TIMM44: variants seen among roughly 807,000 people sequenced by gnomAD.
TIMM44 encodes the protein translocase of inner mitochondrial membrane 44.
Under a neutral mutation model 63.8 loss-of-function variants are expected in TIMM44, and 37 were observed. That is an observed-to-expected ratio of 0.58 (90% confidence interval 0.45 to 0.76). TIMM44 has a LOEUF of 0.76. Ranked by LOEUF, TIMM44 falls within the 30% of genes least tolerant of loss-of-function variation. TIMM44 has a pLI of 0.00. For missense variants in TIMM44, 573 were observed against 603.8 expected (o/e 0.95, Z 0.54); for synonymous variants, 239 against 245.1 (o/e 0.98, Z 0.23).
intron 3 of TIMM44, among the ~76,000 whole-genome samples, chr19:7,937,061 C>G (rs1004716441): frequency 6.6e-6 from 1 of 152,028 alleles, no homozygotes. Flanking sequence ...AAAATCGTAC[C>G]ACTGCACTCC....
intron 2 of TIMM44, among the ~76,000 whole-genome samples, chr19:7,939,956 T>G (rs1984259588): frequency 6.6e-6 from 1 of 151,600 alleles, no homozygotes; most frequent in Non-Finnish European, 1.5e-5. Flanking sequence ...CATACAATAA[T>G]CCAATCAGGC....
chr19:7,940,436 G>A (rs1021658874), intron 2 of TIMM44, among the ~76,000 whole-genome samples: 3 of 152,100 alleles, frequency 2.0e-5, no homozygotes, highest in Non-Finnish European at 2.9e-5. Context: ...GTGAGTGTGT[G>A]GCGGGGGACT....
chr19:7,935,253 C>T (rs1341495498), intron 3 of TIMM44, 108 bp from the exon 4 acceptor site: 2 of 1,036,692 alleles, frequency 1.9e-6, no homozygotes. Context: ...GCAACTTCCT[C>T]CTGCCAGATT....
chr19:7,938,533 G>A (rs1168800153), intron 2 of TIMM44, among the ~76,000 whole-genome samples: 12 of 152,156 alleles, frequency 7.9e-5, no homozygotes, highest in African/African-American at 2.7e-4. Flanking sequence ...CAGGCTGGGC[G>A]CGGTGGTTCA....
chr19:7,935,908 C>A (rs1158514610), intron 3 of TIMM44, among the ~76,000 whole-genome samples: 2 of 152,206 alleles, frequency 1.3e-5, no homozygotes. Context: ...AGTCCCAGCT[C>A]TTTGGGAAGC....
At position 7,934,380 on chromosome 19, in the gene TIMM44, C is replaced by G. The variant is rs1045504441; in HGVS notation, c.394-142G>C. Reference sequence around the variant, plus strand: ...AGAGGCCTTCTGTGCTCCTGTGGTACGCGGCACCCCCAGAGCCATGAGCAC... The same window carrying G: ...AGAGGCCTTCTGTGCTCCTGTGGTAGGCGGCACCCCCAGAGCCATGAGCAC... On this transcript the variant is annotated intron_variant, in intron 4 of 12. Transcript: ENST00000270538. The surrounding 1 kb of genome is among the most constrained non-coding windows in gnomAD (Gnocchi z 5.3). The G allele has an allele frequency of 9.0e-7, 1 of 1,105,480 alleles. No homozygotes were observed. Among genetic ancestry groups the G allele is most frequent in the African/African-American group, 1.5e-5 (1 of 64,760 alleles). The allele number at this position is 1,105,480 out of a possible 1,614,324, so 68.5% of individuals were successfully genotyped here. A position where few individuals can be genotyped will look rare whatever the true frequency, so the allele number is the denominator to read the frequency against.
At chr19:7,928,741 G>A (rs1391444261) in intron 10 of TIMM44, 2 of 151,790 alleles carry the variant, frequency 1.3e-5, no homozygotes, top group Non-Finnish European at 2.9e-5. Flanking sequence ...CTGATCCGCG[G>A]AGGGGAGAGA....
chr19:7,932,591 G>A (rs1268571996), intron 9 of TIMM44, 36 bp downstream of exon 9: 4 of 1,609,648 alleles, frequency 2.5e-6, no homozygotes, highest in South Asian at 1.1e-5. Flanking sequence ...GCCAGGACCT[G>A]CCGCCTGGGA....
At chr19:7,935,224 G>T in intron 3 of TIMM44, 79 bp from the exon 4 acceptor site, 2 of 1,273,504 alleles carry the variant, frequency 1.6e-6, no homozygotes, top group Non-Finnish European at 1.1e-6. Flanking sequence ...GGAGTACAGT[G>T]GCACGCTCTC....
chr19:7,933,850 G>T lies in TIMM44; in HGVS notation c.683+14C>A. 6.2e-7 allele frequency: 1 copy of T among 1,613,926 alleles called. No homozygotes were observed. Among genetic ancestry groups the T allele is most frequent in the South Asian group, 1.1e-5 (1 of 91,050 alleles). On this transcript the variant is annotated intron_variant, in intron 6 of 12. Transcript: ENST00000270538. This position sits in a 1 kb window ranked among gnomAD's most constrained non-coding sequence, Gnocchi z 4.3. ...CCAAAATGGGGGCAGCGAGGGCCAC[G>T]GGCTGGTACCTACTCGTTTGGCTCA...
Position 7,927,159 on chromosome 19 carries a change from C to A in TIMM44, c.*28G>T. 1 of 1,594,248 alleles carries A rather than the reference C, an allele frequency of 6.3e-7. No homozygotes were observed. Among genetic ancestry groups the A allele is most frequent in the East Asian group, 2.3e-5 (1 of 44,278 alleles). On this transcript the variant is annotated 3_prime_UTR_variant, in exon 13 of 13. Transcript: ENST00000270538. ...GTGCCTCTGTGCCTGATGACCCAGG[C>A]CGGGGCTACCTGGCTCCGGCACCAC...
chr19:7,936,639 A>G (rs1984161998), intron 3 of TIMM44, among the ~76,000 whole-genome samples: 1 of 152,216 alleles, frequency 6.6e-6, no homozygotes, highest in Admixed American at 6.5e-5. Flanking sequence ...CCCAGAAGCC[A>G]GGGCTTGGCA....
chr19:7,927,840 C>T (rs545139534), intron 11 of TIMM44, 73 bp from the exon 12 acceptor site: 25 of 1,471,260 alleles, frequency 1.7e-5, no homozygotes, highest in Admixed American at 8.6e-5. Flanking sequence ...GAAACCCCTG[C>T]GCCTAGGCCC....
Position 7,941,170 on chromosome 19 carries a change from G to C in TIMM44, c.73C>G (p.Leu25Val). 1 of 1,614,136 alleles carries C rather than the reference G, an allele frequency of 6.2e-7. No individual in the cohort carries two copies. Residue 25 changes from leucine to valine, a missense_variant, in exon 2 of 13, where the codon CTT (leucine) becomes GTT (valine). Coordinates refer to ENST00000270538, the MANE Select transcript of TIMM44 (RefSeq NM_006351.4). ...CCATGGGGTAGGTTGTGGCTGGAAA[G>C]AAATTGGATTCCACTGCCGAGGCAT... The part of the protein sequence containing the change: ...RRCLGSGIQF[L>V]SSHNLPHGST...
rs772819261 is a variant in TIMM44, at chr19:7,927,647, C to A, written c.1239+10G>T. On this transcript the variant is annotated intron_variant, in intron 12 of 12. Transcript: ENST00000270538. ...GTCATGTGCCTGCCCCATCCCACTC[C>A]CTCACTCACCGGGTCACCCTCCACC... 3.1e-6 allele frequency: 5 copies of A among 1,612,360 alleles called. No individual in the cohort carries two copies. In the South Asian group the frequency reaches 4.4e-5, roughly 14 times the overall value.
chr19:7,927,081 A>C lies in TIMM44; in HGVS notation c.*106T>G. 6 of 1,473,094 alleles carry C rather than the reference A, an allele frequency of 4.1e-6. No homozygotes were observed. The highest frequency in any genetic ancestry group is 5.5e-6 in the Non-Finnish European group (6 of 1,091,806). 91.3% of individuals were successfully genotyped at this position (1,473,094 alleles called of 1,614,324 possible). ...CAGCCGTCCTGGCAGAGCTGGGGGCAGAGCCCGCAGTCTTGTTCCCAGAGG... is the reference window on the plus strand; with the variant it reads ...CAGCCGTCCTGGCAGAGCTGGGGGCCGAGCCCGCAGTCTTGTTCCCAGAGG... On this transcript the variant is annotated 3_prime_UTR_variant, in exon 13 of 13. Transcript: ENST00000270538.
intron 3 of TIMM44, 26 bp downstream of exon 3, chr19:7,938,001 G>GA (rs747126071): frequency 5.1e-5 from 83 of 1,611,682 alleles, no homozygotes; most frequent in Admixed American, 4.3e-4. Context: ...CTGGGTGAGG[G>GA]AAAAAAAAGC....
intron 2 of TIMM44, among the ~76,000 whole-genome samples, chr19:7,939,736 T>G (rs1294494769): frequency 6.6e-6 from 1 of 151,490 alleles, no homozygotes; most frequent in African/African-American, 2.4e-5. Flanking sequence ...GCCAACATGG[T>G]GAAACCTTGT....
chr19:7,937,554 C>T (rs896350864), intron 3 of TIMM44, among the ~76,000 whole-genome samples: 1 of 152,192 alleles, frequency 6.6e-6, no homozygotes, highest in Non-Finnish European at 1.5e-5. Flanking sequence ...AACCCAGAGG[C>T]CTGGAGACCC....
Sources: gnomAD v4.1 joint callset for allele counts (sites outside exome capture counted in the v4.1 genomes callset) on GRCh38, gnomAD v4.1.1 for gene constraint, Gnocchi (gnomAD v3.1) non-coding constraint, MANE v1.5 for transcripts, NCBI Gene and HGNC (gene_info 2026-07-23, HGNC 2026-07-21) for gene names.